VIM: variants seen among roughly 807,000 people sequenced by gnomAD.
VIM encodes epididymis secretory sperm binding protein.
A neutral mutation model predicts 50.3 loss-of-function variants in VIM; 18 were observed. That is an observed-to-expected ratio of 0.36 (90% CI 0.25 to 0.53). The LOEUF (loss-of-function observed/expected upper bound fraction) is 0.53, where lower values mean the gene tolerates loss of function less well. Ranked by LOEUF, VIM falls within the 20% of genes least tolerant of loss-of-function variation. The pLI, the probability that VIM is intolerant of heterozygous loss-of-function variation, is 0.91. For missense variants in VIM, 551 were observed against 614.7 expected (o/e 0.90, Z 1.10); for synonymous variants, 245 against 248.5 (o/e 0.99, Z 0.13).
In VIM at chr10:17,229,863, G is replaced by A. The variant is rs1312562294; in HGVS notation, c.441G>A (p.Gly147=). ...AGGGCCAAGGCAAGTCGCGCCTGGG[G>A]GACCTCTACGAGGAGGAGATGCGGG... is the stretch of plus-strand genomic sequence containing the variant. ...QLKGQGKSRL[G]DLYEEEMREL... is the part of the protein sequence containing the mutation. The change falls in exon 2 of 10, where the codon GGG becomes GGA. Residue 147 remains glycine (G), a synonymous_variant. Transcript: ENST00000544301. 1 of 1,608,776 alleles carries A rather than the reference G, an allele frequency of 6.2e-7. No individual in the cohort carries two copies. The highest frequency in any genetic ancestry group is 1.3e-5 in the African/African-American group (1 of 75,008).
At chr10:17,232,163 G>A (rs891386698) in intron 3 of VIM, among the ~76,000 whole-genome samples, 1 of 152,140 alleles carries the variant, frequency 6.6e-6, no homozygotes, top group Non-Finnish European at 1.5e-5. Flanking sequence ...TTGGAGGTTA[G>A]TAAAATATCT....
intron 2 of VIM, 70 bp from the exon 3 acceptor site, chr10:17,230,580 T>G (rs773670874): frequency 1.3e-6 from 2 of 1,536,194 alleles, no homozygotes; most frequent in South Asian, 2.2e-5. Context: ...GAATACGTGG[T>G]GTTTGGGTGT....
Position 17,234,623 on chromosome 10 carries a change from A to ATT in VIM, c.883-61_883-60dup, listed in dbSNP as rs902343218. On this transcript the variant is annotated intron_variant, in intron 5 of 9. Transcript: ENST00000544301. ...TGGAAGACATTCAGTGAGAAATATG[A>ATT]TTTTTTTTTTCTAAGAGAGTCAAAA... 1.7e-5 allele frequency: 26 copies of ATT among 1,532,990 alleles called. No individual in the cohort carries two copies. The Admixed American group carries it at 3.9e-4, about 23-fold the overall frequency. 95.0% of individuals were successfully genotyped at this position (1,532,990 alleles called of 1,614,324 possible).
chr10:17,236,327 C>G lies in VIM; in HGVS notation c.1307C>G (p.Thr436Ser). 1 of 1,613,720 alleles carries G rather than the reference C, an allele frequency of 6.2e-7. No individual in the cohort carries two copies. Reference sequence around the variant, plus strand: ...CTGGATTCACTCCCTCTGGTTGATACCCACTCAAAAAGGACACTTCTGATT... The same window carrying G: ...CTGGATTCACTCCCTCTGGTTGATAGCCACTCAAAAAGGACACTTCTGATT... ...TNLDSLPLVD[T>S]HSKRTLLIKT... The change falls in exon 9 of 10, where the codon ACC becomes AGC. Residue 436 changes from threonine (T) to serine (S), a missense_variant. Physicochemically the swap from Thr to Ser is moderately conservative, Grantham distance 58. Coordinates refer to ENST00000544301, the MANE Select transcript of VIM (RefSeq NM_003380.5).
Position 17,229,325 on chromosome 10 carries a change from C to A in VIM, c.-98C>A. 1.5e-6 allele frequency: 2 copies of A among 1,300,108 alleles called. No individual in the cohort carries two copies. Among genetic ancestry groups the A allele is most frequent in the Non-Finnish European group, 2.1e-6 (2 of 939,190 alleles). The allele number at this position is 1,300,108 out of a possible 1,614,324, so 80.5% of individuals were successfully genotyped here. On this transcript the variant is annotated 5_prime_UTR_variant, in exon 2 of 10. Transcript: ENST00000544301. Reference sequence around the variant, plus strand: ...TCCCCGCGCCAGAGACGCAGCCGCGCTCCCACCACCCACACCCACCGCGCC... The same window carrying A: ...TCCCCGCGCCAGAGACGCAGCCGCGATCCCACCACCCACACCCACCGCGCC...
In VIM at chr10:17,235,301, C is replaced by T. The variant is rs749084801; in HGVS notation, c.1141C>T (p.Arg381Cys). ...NMKEEMARHL[R>C]EYQDLLNVKM... ...GAAGGAGGAAATGGCTCGTCACCTT[C>T]GTGAATACCAAGACCTGCTCAATGT... The change falls in exon 7 of 10, where the codon CGT (arginine) becomes TGT (cysteine). Residue 381 changes from arginine (R) to cysteine (C), a missense_variant. Physicochemically the swap from Arg to Cys is radical, Grantham distance 180. This residue lies in a region of VIM where 394 missense variants were observed against 437.5 expected (regional missense o/e 0.90). Coordinates refer to ENST00000544301, the MANE Select transcript of VIM (RefSeq NM_003380.5). The T allele has an allele frequency of 2.8e-5, 45 of 1,614,074 alleles. No individual in the cohort carries two copies. The highest frequency in any genetic ancestry group is 3.3e-5 in the Admixed American group (2 of 60,006).
At position 17,237,519 on chromosome 10, in the gene VIM, A is replaced by G; in HGVS notation, c.*248A>G. 1 of 450,938 alleles carries G rather than the reference A, an allele frequency of 2.2e-6. No homozygotes were observed. The highest frequency in any genetic ancestry group is 4.0e-6 in the Non-Finnish European group (1 of 253,016). The allele number at this position is 450,938 out of a possible 1,614,324, so 27.9% of individuals were successfully genotyped here. On this transcript the variant is annotated 3_prime_UTR_variant, in exon 10 of 10. Transcript: ENST00000544301. ...CTTTTTAAAAGGTATTTTGAATACC[A>G]TTAAAACTGCTTTTTTTTTTCCAGC...
At chr10:17,230,046 G>A (rs1846757739) in intron 2 of VIM, 61 bp downstream of exon 2, 3 of 1,511,106 alleles carry the variant, frequency 2.0e-6, no homozygotes, top group African/African-American at 1.4e-5. Context: ...AGAGGGGAAC[G>A]CCCCCCCGGC....
intron 2 of VIM, 34 bp from the exon 3 acceptor site, chr10:17,230,616 T>C: frequency 6.2e-7 from 1 of 1,613,480 alleles, no homozygotes. Flanking sequence ...GGCGGTTTCC[T>C]CGTTCCCCTT....
Position 17,234,678 on chromosome 10 carries a change from T to A in VIM, c.883-15T>A. ...TGAATGTGAGCAATCTACATTTCTG[T>A]TTTCTTCCCAACAGTTTGCTGACCT... is the stretch of plus-strand genomic sequence containing the variant. On this transcript the variant is annotated splice_polypyrimidine_tract_variant and intron_variant, in intron 5 of 9. Coordinates refer to ENST00000544301, the MANE Select transcript of VIM (RefSeq NM_003380.5). 1 of 1,613,656 alleles carries A rather than the reference T, an allele frequency of 6.2e-7. No homozygotes were observed. The highest frequency in any genetic ancestry group is 1.1e-5 in the South Asian group (1 of 91,074).
intron 6 of VIM, 144 bp downstream of exon 6, chr10:17,234,962 A>G: frequency 7.5e-7 from 1 of 1,341,876 alleles, no homozygotes; most frequent in Non-Finnish European, 1.0e-6. Context: ...CAGACTCAAA[A>G]GGGACTTCAT....
chr10:17,230,677 G>A lies in VIM; in HGVS notation c.591G>A (p.Glu197=). ...EKLQEEMLQR[E]EAENTLQSFR... ...TGCAGGAGGAGATGCTTCAGAGAGA[G>A]GAAGCCGAAAACACCCTGCAATCTT... Residue 197 remains glutamate (E), a synonymous_variant, in exon 3 of 10, where the codon GAG becomes GAA. Coordinates refer to ENST00000544301, the MANE Select transcript of VIM (RefSeq NM_003380.5). 6.2e-7 allele frequency: 1 copy of A among 1,614,184 alleles called. No homozygotes were observed. The highest frequency in any genetic ancestry group is 1.1e-5 in the South Asian group (1 of 91,090).
At chr10:17,235,438 G>C in intron 7 of VIM, 49 bp downstream of exon 7, 3 of 1,591,954 alleles carry the variant, frequency 1.9e-6, no homozygotes, top group Non-Finnish European at 2.6e-6. Flanking sequence ...CCATTTGTTA[G>C]GCCCTGTGCC....
Position 17,229,747 on chromosome 10 carries a change from G to T in VIM, c.325G>T (p.Glu109Ter). The change falls in exon 2 of 10, where the codon GAG (glutamate) becomes TAG (stop). Residue 109 changes from glutamate to a stop codon, truncating the protein, a stop_gained. Transcript: ENST00000544301. LOFTEE classifies it high-confidence loss of function. The stretch of plus-strand genomic sequence containing the variant: ...CACCAACGAGAAGGTGGAGCTGCAG[G>T]AGCTGAATGACCGCTTCGCCAACTA... The part of the protein sequence containing the change: ...TRTNEKVELQ[E>*]LNDRFANYID... 6.3e-7 allele frequency: 1 copy of T among 1,586,454 alleles called. No homozygotes were observed. The highest frequency in any genetic ancestry group is 2.3e-5 in the East Asian group (1 of 43,780).
At position 17,234,819 on chromosome 10, in the gene VIM, G is replaced by A. The variant is rs878865898; in HGVS notation, c.1008+1G>A. The A allele has an allele frequency of 1.9e-6, 3 of 1,613,950 alleles. No homozygotes were observed. Among genetic ancestry groups the A allele is most frequent in the Admixed American group, 1.7e-5 (1 of 59,998 alleles). On this transcript the variant is annotated splice_donor_variant, in intron 6 of 9. Transcript: ENST00000544301. LOFTEE classifies it high-confidence loss of function. ...TGAAGTGGATGCCCTTAAAGGAACC[G>A]TGAGTACCAACCCTGCAGTAAAAGA...
At position 17,233,623 on chromosome 10, in the gene VIM, G is replaced by A; in HGVS notation, c.661G>A (p.Glu221Lys). 6.2e-7 allele frequency: 1 copy of A among 1,614,180 alleles called. No individual in the cohort carries two copies. The highest frequency in any genetic ancestry group is 8.5e-7 in the Non-Finnish European group (1 of 1,180,044). ...DNASLARLDL[E>K]RKVESLQEEI... is the part of the protein sequence containing the mutation. ...TGCGTCTCTGGCACGTCTTGACCTT[G>A]AACGCAAAGTGGAATCTTTGCAAGA... Residue 221 changes from glutamate (E) to lysine (K), a missense_variant, in exon 4 of 10, where the codon GAA becomes AAA. Around this residue, in one of 3 missense-constraint regions of VIM, gnomAD observed 394 missense variants for 437.5 expected, o/e 0.90. Transcript: ENST00000544301.
Position 17,229,647 on chromosome 10 carries a change from C to A in VIM, c.225C>A (p.Pro75=). The change falls in exon 2 of 10, where the codon CCC becomes CCA. Residue 75 remains proline, a synonymous_variant. Transcript: ENST00000544301. ...SSAVRLRSSV[P]GVRLLQDSVD... is the part of the protein sequence containing the mutation. Reference sequence around the variant, plus strand: ...CCGTGCGCCTGCGGAGCAGCGTGCCCGGGGTGCGGCTCCTGCAGGACTCGG... The same window carrying A: ...CCGTGCGCCTGCGGAGCAGCGTGCCAGGGGTGCGGCTCCTGCAGGACTCGG... The A allele has an allele frequency of 6.4e-7, 1 of 1,567,152 alleles. No homozygotes were observed. The highest frequency in any genetic ancestry group is 8.6e-7 in the Non-Finnish European group (1 of 1,156,090).
chr10:17,230,741 C>G (rs1225037038), intron 3 of VIM, 31 bp downstream of exon 3: 2 of 1,613,446 alleles, frequency 1.2e-6, no homozygotes, highest in Non-Finnish European at 1.7e-6. Context: ...CTCGCAGCCG[C>G]CTGACCCCAC....
rs768016203 is a variant in VIM, at chr10:17,233,622, T to C, written c.660T>C (p.Leu220=). 2 of 1,614,200 alleles carry C rather than the reference T, an allele frequency of 1.2e-6. No individual in the cohort carries two copies. The highest frequency in any genetic ancestry group is 3.3e-5 in the Admixed American group (2 of 60,028). ...ATGCGTCTCTGGCACGTCTTGACCT[T>C]GAACGCAAAGTGGAATCTTTGCAAG... The part of the protein sequence containing the change: ...VDNASLARLD[L]ERKVESLQEE... The change falls in exon 4 of 10, where the codon CTT becomes CTC. Residue 220 remains leucine (L), a synonymous_variant. Coordinates refer to ENST00000544301, the MANE Select transcript of VIM (RefSeq NM_003380.5).
Sources: allele counts gnomAD v4.1 joint callset (sites outside exome capture counted in the v4.1 genomes callset), GRCh38; gene constraint gnomAD v4.1.1; regional missense constraint gnomAD v4.1.1; transcripts MANE v1.5; gene names NCBI Gene and HGNC (gene_info 2026-07-23, HGNC 2026-07-21).